ST8SIA1: variants seen among roughly 807,000 people sequenced by gnomAD.
ST8SIA1 encodes ST8 alpha-N-acetyl-neuraminide alpha-2,8-sialyltransferase 1.
ST8SIA1 carries 16 observed loss-of-function variants against 35.9 expected under a neutral mutation model. That is an observed-to-expected ratio of 0.45 (90% CI 0.30 to 0.68). ST8SIA1 has a LOEUF of 0.68. Among genes scored for constraint, ST8SIA1 ranks in the 30% least tolerant of loss-of-function variants. The pLI is 0.09. For synonymous variants in ST8SIA1, 170 were observed against 169.6 expected, an observed-to-expected ratio of 1.00 and a Z score of -0.02; for missense variants, 383 against 453.6, an observed-to-expected ratio of 0.84 and a Z score of 1.41.
rs185579220 is a variant in ST8SIA1 at position 22,219,991 on chromosome 12, C to T, written c.585-17953G>A. Among the ~76,000 whole-genome samples the T allele has an allele frequency of 2.0e-5, 3 of 152,286 alleles. No individual in the cohort carries two copies. The East Asian group carries it at 5.8e-4, about 29-fold the overall frequency. ...AGTATCATAACACTCTACAAACTTC[C>T]TCCACTTCTGAAGATCAAAACAGAG... On this transcript the variant is annotated intron_variant, in intron 4 of 4. Coordinates refer to ENST00000396037, the MANE Select transcript of ST8SIA1 (RefSeq NM_003034.4).
chr12:22,264,701 T>C (rs1262964839), intron 2 of ST8SIA1, among the ~76,000 whole-genome samples: 1 of 152,194 alleles, frequency 6.6e-6, no homozygotes, highest in Non-Finnish European at 1.5e-5. Flanking sequence ...TAATTTTCCC[T>C]TAAGATATAT....
At chr12:22,316,764 A>C (rs74360433) in intron 1 of ST8SIA1, among the ~76,000 whole-genome samples, 3,333 of 152,344 alleles carry the variant, frequency 0.022, 114 homozygotes, top group African/African-American at 0.075. Context: ...GTATCAAAAA[A>C]GAAAAGATGA....
At chr12:22,331,842 T>C (rs867219550) in intron 1 of ST8SIA1, among the ~76,000 whole-genome samples, 6 of 152,318 alleles carry the variant, frequency 3.9e-5, no homozygotes, top group African/African-American at 1.4e-4. Context: ...CAAATTCTCA[T>C]GGGTTGCCCA....
chr12:22,296,048 G>A (rs1488181736), intron 1 of ST8SIA1, among the ~76,000 whole-genome samples: 1 of 152,170 alleles, frequency 6.6e-6, no homozygotes, highest in Non-Finnish European at 1.5e-5. Flanking sequence ...TGTGATAGTG[G>A]TCTGTTTTGG....
chr12:22,315,258 G>T (rs1866503324), intron 1 of ST8SIA1, among the ~76,000 whole-genome samples: 1 of 151,442 alleles, frequency 6.6e-6, no homozygotes, highest in East Asian at 1.9e-4. Flanking sequence ...TTGCAAATAA[G>T]AAGCGTCTAT....
intron 2 of ST8SIA1, among the ~76,000 whole-genome samples, chr12:22,280,561 G>C (rs1339210035): frequency 6.6e-6 from 1 of 152,166 alleles, no homozygotes; most frequent in African/African-American, 2.4e-5. Context: ...AATTTAGAAA[G>C]ATCTACACCA....
intron 4 of ST8SIA1, among the ~76,000 whole-genome samples, chr12:22,213,168 G>T (rs113036755): frequency 6.6e-6 from 1 of 151,922 alleles, no homozygotes. Flanking sequence ...CCAATCAGCC[G>T]CACCCATTCC....
At chr12:22,321,467 G>C (rs1866600211) in intron 1 of ST8SIA1, among the ~76,000 whole-genome samples, 1 of 152,198 alleles carries the variant, frequency 6.6e-6, no homozygotes, top group Non-Finnish European at 1.5e-5. Flanking sequence ...GGGTGGAGTG[G>C]GCTCCACCTC....
chr12:22,227,550 C>T (rs921819390), intron 4 of ST8SIA1, among the ~76,000 whole-genome samples: 9 of 151,770 alleles, frequency 5.9e-5, no homozygotes, highest in African/African-American at 1.5e-4. Context: ...CCAGCCTGGG[C>T]GACAGAGCAA....
chr12:22,241,295 G>A (rs1433308288), intron 4 of ST8SIA1, among the ~76,000 whole-genome samples: 1 of 152,106 alleles, frequency 6.6e-6, no homozygotes, highest in Non-Finnish European at 1.5e-5. Flanking sequence ...GGAGGTGATT[G>A]GATTATGGGG....
At chr12:22,202,919 C>T (rs1865065442) in intron 4 of ST8SIA1, among the ~76,000 whole-genome samples, 1 of 152,098 alleles carries the variant, frequency 6.6e-6, no homozygotes, top group Non-Finnish European at 1.5e-5. Context: ...ACAAGGATTC[C>T]CTGTCCCTAG....
At position 22,223,402 on chromosome 12, in the gene ST8SIA1, A is replaced by G. The variant is rs553651704; in HGVS notation, c.585-21364T>C. ...ACTGGATCACAAAATAATCATTTCAACCTCCTTCTGTATCTTCCTGTAGTC... is the reference window on the plus strand; with the variant it reads ...ACTGGATCACAAAATAATCATTTCAGCCTCCTTCTGTATCTTCCTGTAGTC... On this transcript the variant is annotated intron_variant, in intron 4 of 4. Coordinates refer to ENST00000396037, the MANE Select transcript of ST8SIA1 (RefSeq NM_003034.4). 1,625 of 465,128 alleles carry G rather than the reference A, an allele frequency of 3.5e-3. 6 individuals are homozygous for G. The highest frequency in any genetic ancestry group is 4.3e-3 in the Non-Finnish European group (1,517 of 354,278). The allele number at this position is 465,128 out of a possible 1,614,324, so 28.8% of individuals were successfully genotyped here.
In ST8SIA1 at chr12:22,328,570, T is replaced by A. The variant is rs149712222; in HGVS notation, c.236+5427A>T. On this transcript the variant is annotated intron_variant, in intron 1 of 4. Coordinates refer to ENST00000396037, the MANE Select transcript of ST8SIA1 (RefSeq NM_003034.4). The stretch of plus-strand genomic sequence containing the variant: ...ACAAAAATTTTATTCAGTTCACAGC[T>A]ACAGACCCAGCATCTCCTATCCTAC... Among the ~76,000 whole-genome samples, 12 of 152,302 alleles carry A rather than the reference T, an allele frequency of 7.9e-5. No homozygotes were observed. In the East Asian group the frequency reaches 2.3e-3, roughly 29 times the overall value.
At chr12:22,324,651 A>G (rs938233935) in intron 1 of ST8SIA1, 2 of 152,210 alleles carry the variant, frequency 1.3e-5, no homozygotes, top group African/African-American at 4.8e-5. Flanking sequence ...TTAAATGTCA[A>G]TTACTTTTAC....
intron 1 of ST8SIA1, among the ~76,000 whole-genome samples, chr12:22,332,890 AGAG>A (rs1285720903): frequency 2.0e-5 from 3 of 152,242 alleles, no homozygotes; most frequent in Non-Finnish European, 2.9e-5. Context: ...TCTACAGAGC[AGAG>A]GAGATCATTT....
chr12:22,249,206 C>T, intron 3 of ST8SIA1, 108 bp from the exon 4 acceptor site: 3 of 696,134 alleles, frequency 4.3e-6, no homozygotes, highest in Non-Finnish European at 7.0e-6. Context: ...TCACGAGTAA[C>T]TGTTTTGTTT....
intron 4 of ST8SIA1, among the ~76,000 whole-genome samples, chr12:22,205,268 AC>A (rs1865093962): frequency 6.6e-6 from 1 of 152,208 alleles, no homozygotes; most frequent in Non-Finnish European, 1.5e-5. Flanking sequence ...ATATTTGTGT[AC>A]TATATGAATA....
chr12:22,286,568 T>C, intron 2 of ST8SIA1: 1 of 497,044 alleles, frequency 2.0e-6, no homozygotes, highest in Non-Finnish European at 3.9e-6. Flanking sequence ...GCTGCCTACA[T>C]GTATATTAGA....
At chr12:22,282,098 G>C (rs1412918999) in intron 2 of ST8SIA1, among the ~76,000 whole-genome samples, 2 of 152,162 alleles carry the variant, frequency 1.3e-5, no homozygotes, top group African/African-American at 2.4e-5. Flanking sequence ...CCTTAAAACA[G>C]TTTCAAGGTG....
Sources: allele counts gnomAD v4.1 joint callset (sites outside exome capture counted in the v4.1 genomes callset), GRCh38; gene constraint gnomAD v4.1.1; transcripts MANE v1.5; gene names NCBI Gene and HGNC (gene_info 2026-07-23, HGNC 2026-07-21).